The following PTPRB variants were observed in gnomAD, a reference collection of about 807,000 sequenced individuals.
The protein encoded by PTPRB is receptor-type tyrosine-protein phosphatase beta.
Under a neutral mutation model 238.1 loss-of-function variants are expected in PTPRB, and 97 were observed. The observed-to-expected ratio is 0.41, with a 90% CI of 0.35 to 0.48. The LOEUF (loss-of-function observed/expected upper bound fraction) is 0.48, where lower values mean the gene tolerates loss of function less well. Ranked by LOEUF, PTPRB falls within the 20% of genes least tolerant of loss-of-function variation. The pLI, the probability that PTPRB is intolerant of heterozygous loss-of-function variation, is 0.30. For synonymous variants in PTPRB, 970 were observed against 995.4 expected (o/e 0.97, Z 0.48); for missense variants, 2,292 against 2,681.9 (o/e 0.85, Z 3.21).
rs771349579 is a variant in PTPRB at position 70,636,068 on chromosome 12, T to C, written c.56-2A>G. ...GGACATGGACAATCTGAAACCCTTCTGGAAGATGAAAAGCTCATAAAGCAC... is the reference window on the plus strand; with the variant it reads ...GGACATGGACAATCTGAAACCCTTCCGGAAGATGAAAAGCTCATAAAGCAC... On this transcript the variant is annotated splice_acceptor_variant, in intron 1 of 33. Transcript: ENST00000334414. LOFTEE classifies it high-confidence loss of function. The C allele has an allele frequency of 6.2e-7, 1 of 1,601,090 alleles. No homozygotes were observed. The highest frequency in any genetic ancestry group is 1.3e-5 in the African/African-American group (1 of 74,536).
intron 4 of PTPRB, among the ~76,000 whole-genome samples, chr12:70,601,789 T>G (rs1011628221): frequency 1.4e-5 from 2 of 143,022 alleles, no homozygotes; most frequent in African/African-American, 5.2e-5. Context: ...TTTTCTTTTT[T>G]CTTTTTTTTT....
chr12:70,611,255 A>G (rs556758479), intron 3 of PTPRB, among the ~76,000 whole-genome samples: 1 of 152,320 alleles, frequency 6.6e-6, no homozygotes, highest in African/African-American at 2.4e-5. Flanking sequence ...AAACAAGAAA[A>G]AAGAAAAAAG....
intron 3 of PTPRB, among the ~76,000 whole-genome samples, chr12:70,617,111 T>C (rs1428590618): frequency 6.6e-6 from 1 of 152,200 alleles, no homozygotes; most frequent in African/African-American, 2.4e-5. Context: ...GTTCACAAAA[T>C]AGCAACATGG....
At chr12:70,529,742 C>T (rs1592393086) in intron 32 of PTPRB, among the ~76,000 whole-genome samples, 1 of 152,172 alleles carries the variant, frequency 6.6e-6, no homozygotes, top group Admixed American at 6.5e-5. Flanking sequence ...GCTGCTAAAA[C>T]CATTAAGTGA....
intron 22 of PTPRB, chr12:70,541,193 G>T: frequency 2.5e-6 from 1 of 407,764 alleles, no homozygotes. Flanking sequence ...TACTTTTGAA[G>T]TTAATGTTGC....
intron 8 of PTPRB, among the ~76,000 whole-genome samples, chr12:70,589,387 C>G (rs1237086449): frequency 6.6e-6 from 1 of 152,186 alleles, no homozygotes; most frequent in Non-Finnish European, 1.5e-5. Flanking sequence ...CTTGGAAGTG[C>G]AACTCTCTTA....
chr12:70,557,564 AT>A (rs1278468647), intron 18 of PTPRB, among the ~76,000 whole-genome samples: 2 of 152,188 alleles, frequency 1.3e-5, no homozygotes, highest in East Asian at 3.9e-4. Flanking sequence ...GTTGTGACTT[AT>A]AAGCCTAGCC....
intron 17 of PTPRB, 129 bp from the exon 18 acceptor site, chr12:70,559,753 T>C: frequency 1.1e-6 from 1 of 890,832 alleles, no homozygotes; most frequent in Admixed American, 2.7e-5. Flanking sequence ...GATAATAATA[T>C]AGTAGCAGGA....
intron 11 of PTPRB, among the ~76,000 whole-genome samples, chr12:70,575,753 G>T (rs952732929): frequency 2.0e-5 from 3 of 152,154 alleles, no homozygotes; most frequent in Non-Finnish European, 2.9e-5. Flanking sequence ...TTGGGAAAAT[G>T]GTAGCTATTT....
At chr12:70,552,738 G>C (rs763178606) in intron 21 of PTPRB, 39 bp downstream of exon 21, 1 of 1,609,060 alleles carries the variant, frequency 6.2e-7, no homozygotes, top group South Asian at 1.1e-5. Flanking sequence ...TAGTAATGTA[G>C]CATGTCCCTT....
At chr12:70,536,425 C>A (rs1426377681) in intron 28 of PTPRB, among the ~76,000 whole-genome samples, 2 of 152,224 alleles carry the variant, frequency 1.3e-5, no homozygotes, top group Non-Finnish European at 2.9e-5. Context: ...GAAAACACTT[C>A]ACCCTCAATT....
intron 18 of PTPRB, 129 bp downstream of exon 18, chr12:70,559,214 G>T (rs1878130949): frequency 2.0e-6 from 2 of 995,712 alleles, no homozygotes; most frequent in Non-Finnish European, 1.5e-6. Context: ...AGAGACTTCT[G>T]CCTGAATTCA....
intron 2 of PTPRB, among the ~76,000 whole-genome samples, chr12:70,626,386 C>T (rs1296119621): frequency 6.8e-6 from 1 of 146,906 alleles, no homozygotes; most frequent in Non-Finnish European, 1.5e-5. Flanking sequence ...TGCCTGCCTG[C>T]CTGCCTGCCT....
intron 13 of PTPRB, among the ~76,000 whole-genome samples, chr12:70,570,782 T>G (rs1281243126): frequency 6.6e-6 from 1 of 152,144 alleles, no homozygotes; most frequent in Non-Finnish European, 1.5e-5. Flanking sequence ...AAGCACCAGC[T>G]GATCACATCA....
At chr12:70,555,397 C>A (rs1047800597) in intron 19 of PTPRB, 88 bp from the exon 20 acceptor site, 1 of 1,256,078 alleles carries the variant, frequency 8.0e-7, no homozygotes, top group Non-Finnish European at 1.1e-6. Context: ...AAGGATTCTG[C>A]TCTCCTGCAT....
At position 70,538,219 on chromosome 12, in the gene PTPRB, C is replaced by A. The variant is rs773098818; in HGVS notation, c.5882G>T (p.Arg1961Leu). The A allele has an allele frequency of 6.2e-7, 1 of 1,613,284 alleles. No homozygotes were observed. Among genetic ancestry groups the A allele is most frequent in the Non-Finnish European group, 8.5e-7 (1 of 1,179,652 alleles). ...YNNILPYDAT[R>L]VKLSNVDDDP... is the part of the protein sequence containing the mutation. ...ATCATCTACATTGGAGAGCTTCACT[C>A]GCGTGGCATCATCTGGAAGGAGAGA... Residue 1961 changes from arginine (R) to leucine (L), a missense_variant, in exon 28 of 34, where the codon CGA becomes CTA. Transcript: ENST00000334414.
At chr12:70,609,992 T>C (rs1348014352) in intron 3 of PTPRB, 1 of 412,728 alleles carries the variant, frequency 2.4e-6, no homozygotes, top group Non-Finnish European at 4.0e-6. Flanking sequence ...CTGCTGCTCC[T>C]GCCGCCCCGG....
At chr12:70,629,593 A>G (rs1417771336) in intron 2 of PTPRB, among the ~76,000 whole-genome samples, 2 of 152,228 alleles carry the variant, frequency 1.3e-5, no homozygotes, top group Non-Finnish European at 2.9e-5. Context: ...AATAACTAAG[A>G]TCAGAGCAGA....
In PTPRB at chr12:70,532,101, G is replaced by A. The variant is rs1873345380; in HGVS notation, c.6438C>T (p.Asp2146=). Residue 2146 remains aspartate, a synonymous_variant, in exon 32 of 34, where the codon GAC becomes GAT. Transcript: ENST00000334414. ...DRILQQLDSK[D]SVDIYGAVHD... ...GCACTGCTCCATAAATGTCCACAGAGTCTTTGGAGTCTAACTGCTGGAGGA... is the reference window on the plus strand; with the variant it reads ...GCACTGCTCCATAAATGTCCACAGAATCTTTGGAGTCTAACTGCTGGAGGA... The A allele has an allele frequency of 1.9e-6, 3 of 1,613,854 alleles. No individual in the cohort carries two copies. The highest frequency in any genetic ancestry group is 2.5e-6 in the Non-Finnish European group (3 of 1,179,790).
Sources: allele counts gnomAD v4.1 joint callset (sites outside exome capture counted in the v4.1 genomes callset), GRCh38; gene constraint gnomAD v4.1.1; transcripts MANE v1.5; gene names NCBI Gene and HGNC (gene_info 2026-07-23, HGNC 2026-07-21).